Variants in ANKRD44 observed in about 807,000 individuals in gnomAD.
The protein encoded by ANKRD44 is ankyrin repeat domain 44.
A neutral mutation model predicts 116.0 loss-of-function variants in ANKRD44; 35 were observed. The ratio of observed to expected loss-of-function variants is 0.30; its 90% CI spans 0.23 to 0.40. The LOEUF is 0.40. ANKRD44 is among the 10% of genes least tolerant of loss of function. The pLI is 1.00. For synonymous variants in ANKRD44, 435 were observed against 461.8 expected, an observed-to-expected ratio of 0.94 and a Z score of 0.74; for missense variants, 1,014 against 1,242.6, an observed-to-expected ratio of 0.82 and a Z score of 2.77.
intron 16 of ANKRD44, among the ~76,000 whole-genome samples, chr2:197,040,879 A>T (rs977870352): frequency 6.6e-6 from 1 of 152,212 alleles, no homozygotes; most frequent in Non-Finnish European, 1.5e-5. Flanking sequence ...AAGCTTTAGC[A>T]TCTTACTGGT....
chr2:197,168,099 C>T (rs1299567041), intron 2 of ANKRD44, among the ~76,000 whole-genome samples: 1 of 152,206 alleles, frequency 6.6e-6, no homozygotes, highest in Non-Finnish European at 1.5e-5. Flanking sequence ...TAGAAGTGTT[C>T]AGGCTGACAG....
intron 26 of ANKRD44, 45 bp downstream of exon 26, chr2:196,995,334 G>T: frequency 7.2e-7 from 1 of 1,393,644 alleles, no homozygotes; most frequent in South Asian, 1.2e-5. Flanking sequence ...TTGAATAAAT[G>T]ACTATGACCC....
intron 16 of ANKRD44, among the ~76,000 whole-genome samples, chr2:197,065,172 T>C (rs2077403533): frequency 6.6e-6 from 1 of 152,110 alleles, no homozygotes; most frequent in Non-Finnish European, 1.5e-5. Context: ...CTCAACTACA[T>C]GGAAACTGAA....
chr2:197,103,903 G>A (rs532639882), intron 9 of ANKRD44, among the ~76,000 whole-genome samples: 7 of 152,054 alleles, frequency 4.6e-5, no homozygotes, highest in Non-Finnish European at 5.9e-5. Context: ...TTAGTCCTAC[G>A]TTCTCCTTTA....
intron 16 of ANKRD44, among the ~76,000 whole-genome samples, chr2:197,059,506 C>T (rs979985066): frequency 1.3e-5 from 2 of 152,158 alleles, no homozygotes; most frequent in African/African-American, 4.8e-5. Flanking sequence ...GATTCTGAAA[C>T]ACTAGCTAAA....
In ANKRD44 at chr2:197,310,654, G is replaced by A. The variant is rs2084231385; in HGVS notation, c.-50C>T. 4 of 1,324,210 alleles carry A rather than the reference G, an allele frequency of 3.0e-6. No homozygotes were observed. In the South Asian group the frequency reaches 4.5e-5, roughly 15 times the overall value. The allele number at this position is 1,324,210 out of a possible 1,614,324, so 82.0% of individuals were successfully genotyped here. A position where few individuals can be genotyped will look rare whatever the true frequency, so the allele number is the denominator to read the frequency against. Reference sequence around the variant, plus strand: ...ACATGCAGGTCCCCGGCCCGCAGATGTCACGCCGGGAGCCGGGGAAGCGGA... The same window carrying A: ...ACATGCAGGTCCCCGGCCCGCAGATATCACGCCGGGAGCCGGGGAAGCGGA... On this transcript the variant is annotated 5_prime_UTR_variant, in exon 1 of 28. Coordinates refer to ENST00000282272, the MANE Select transcript of ANKRD44 (RefSeq NM_001195144.2).
intron 21 of ANKRD44, 98 bp downstream of exon 21, chr2:197,005,596 T>C: frequency 9.0e-7 from 1 of 1,105,974 alleles, no homozygotes; most frequent in Non-Finnish European, 1.3e-6. Context: ...TTAGAAACCA[T>C]GGTTTGCAGA....
chr2:197,220,345 T>G (rs772845947), intron 1 of ANKRD44, among the ~76,000 whole-genome samples: 1 of 152,264 alleles, frequency 6.6e-6, no homozygotes, highest in South Asian at 2.1e-4. Flanking sequence ...CTAGCCACTA[T>G]GATGTTCTTG....
intron 1 of ANKRD44, among the ~76,000 whole-genome samples, chr2:197,244,697 T>C (rs2082154666): frequency 6.6e-6 from 1 of 152,230 alleles, no homozygotes; most frequent in Non-Finnish European, 1.5e-5. Flanking sequence ...CTATCAAATC[T>C]AACTAATGCC....
intron 1 of ANKRD44, among the ~76,000 whole-genome samples, chr2:197,194,649 T>G (rs1458767486): frequency 2.6e-5 from 4 of 152,156 alleles, no homozygotes; most frequent in Admixed American, 6.5e-5. Flanking sequence ...TATTATACAC[T>G]AAGGAAAAAG....
intron 21 of ANKRD44, among the ~76,000 whole-genome samples, chr2:196,974,913 G>A (rs1273690623): frequency 1.3e-5 from 2 of 150,594 alleles, no homozygotes; most frequent in African/African-American, 4.9e-5. Flanking sequence ...AAAAGAAAAC[G>A]AAGAGTAAAC....
chr2:197,174,932 C>T (rs2080329439), intron 2 of ANKRD44, among the ~76,000 whole-genome samples: 1 of 152,058 alleles, frequency 6.6e-6, no homozygotes, highest in South Asian at 2.1e-4. Flanking sequence ...ATGAATGACA[C>T]AAGGGTGTGA....
At chr2:197,248,279 A>G (rs78947658) in intron 1 of ANKRD44, among the ~76,000 whole-genome samples, 4,451 of 151,766 alleles carry the variant, frequency 0.029, 193 homozygotes, top group African/African-American at 0.099. Context: ...TCAGTTAAAA[A>G]CCTGAATAGA....
chr2:197,176,062 T>G (rs1330786372), intron 2 of ANKRD44, among the ~76,000 whole-genome samples: 1 of 152,112 alleles, frequency 6.6e-6, no homozygotes, highest in Non-Finnish European at 1.5e-5. Context: ...TAGTTGGAAT[T>G]TGGATGTGAT....
intron 2 of ANKRD44, 129 bp from the exon 3 acceptor site, chr2:197,147,234 G>A (rs776520839): frequency 4.4e-5 from 30 of 682,316 alleles, no homozygotes; most frequent in African/African-American, 1.3e-4. Flanking sequence ...CCAAACATTC[G>A]AGTAACTTCT....
At chr2:197,229,305 T>G (rs2081799203) in intron 1 of ANKRD44, among the ~76,000 whole-genome samples, 1 of 152,254 alleles carries the variant, frequency 6.6e-6, no homozygotes, top group Admixed American at 6.5e-5. Context: ...TAGAGACTTA[T>G]TAAATCCAAA....
intron 1 of ANKRD44, among the ~76,000 whole-genome samples, chr2:197,238,441 T>C (rs189463886): frequency 1.8e-4 from 27 of 152,330 alleles, no homozygotes; most frequent in Middle Eastern, 3.4e-3. Flanking sequence ...ACTAGTAAAT[T>C]GATTGTTCTC....
intron 10 of ANKRD44, among the ~76,000 whole-genome samples, chr2:197,091,878 G>T (rs2078050527): frequency 1.3e-5 from 2 of 152,176 alleles, no homozygotes; most frequent in Non-Finnish European, 2.9e-5. Context: ...ACAATTGGAG[G>T]TAATAAACAT....
At chr2:197,068,816 G>A (rs1173407847) in intron 16 of ANKRD44, among the ~76,000 whole-genome samples, 2 of 152,228 alleles carry the variant, frequency 1.3e-5, no homozygotes, top group Non-Finnish European at 2.9e-5. Context: ...TGGAGAGGAT[G>A]TGGAGAAATA....
Sources: allele counts gnomAD v4.1 joint callset (sites outside exome capture counted in the v4.1 genomes callset), GRCh38; gene constraint gnomAD v4.1.1; transcripts MANE v1.5; gene names NCBI Gene and HGNC (gene_info 2026-07-23, HGNC 2026-07-21).